PCDHGA2: variants seen among roughly 807,000 people sequenced by gnomAD.
PCDHGA2 encodes the protein protocadherin gamma-A2.
PCDHGA2 carries 40 observed loss-of-function variants against 59.2 expected under a neutral mutation model. The ratio of observed to expected loss-of-function variants is 0.68; its 90% CI spans 0.52 to 0.88. The LOEUF (loss-of-function observed/expected upper bound fraction) is 0.88. Ranked by LOEUF, PCDHGA2 falls within the 40% of genes least tolerant of loss-of-function variation. PCDHGA2 has a pLI of 0.00. For missense variants in PCDHGA2, 1,226 were observed against 1,204.0 expected (o/e 1.02, Z -0.27); for synonymous variants, 560 against 526.0 (o/e 1.06, Z -0.89).
At position 141,491,099 on chromosome 5, in the gene PCDHGA2, T is replaced by C. The variant is rs1352561414; in HGVS notation, c.2425-3708T>C. 1 of 1,614,176 alleles carries C rather than the reference T, an allele frequency of 6.2e-7. No homozygotes were observed. ...CAGTCCACAGCCCCAGGACTGTTCC[T>C]CGTGTCTACACACACTGGTGAGGTG... On this transcript the variant is annotated intron_variant, in intron 1 of 3. Coordinates refer to ENST00000394576, the MANE Select transcript of PCDHGA2 (RefSeq NM_018915.4). The surrounding 1 kb of genome is among the most constrained non-coding windows in gnomAD (Gnocchi z 6.9).
chr5:141,415,740 G>GTTTTTTTTTTTTTTTT (rs57426385), intron 1 of PCDHGA2: 34 of 625,042 alleles, frequency 5.4e-5, no homozygotes, highest in African/African-American at 2.0e-4. Flanking sequence ...GTTTATTAAG[G>GTTTTTTTTTTTTTTTT]TTTTTTTTTT....
At position 141,460,518 on chromosome 5, in the gene PCDHGA2, C is replaced by T. The variant is rs190277142; in HGVS notation, c.2425-34289C>T. ...AAATATGCTGAGAAGGCTATCTTTT[C>T]CCCACCAAATAATCTTAGCACCTTA... On this transcript the variant is annotated intron_variant, in intron 1 of 3. Coordinates refer to ENST00000394576, the MANE Select transcript of PCDHGA2 (RefSeq NM_018915.4). Among the ~76,000 whole-genome samples, 53 of 152,196 alleles carry T rather than the reference C, an allele frequency of 3.5e-4. 1 individual carries two copies. Among genetic ancestry groups the T allele is most frequent in the African/African-American group, 1.2e-3 (50 of 41,522 alleles).
chr5:141,445,334 A>G (rs1337991795), intron 1 of PCDHGA2, among the ~76,000 whole-genome samples: 1 of 152,224 alleles, frequency 6.6e-6, no homozygotes, highest in African/African-American at 2.4e-5. Context: ...ATCCAGAAAC[A>G]GTAAACATTG....
intron 1 of PCDHGA2, chr5:141,479,313 G>C (rs926148640): frequency 2.0e-5 from 3 of 152,456 alleles, no homozygotes; most frequent in Non-Finnish European, 2.9e-5. Context: ...AAAACATAAA[G>C]TAGCCAGACT....
intron 1 of PCDHGA2, chr5:141,351,561 T>G (rs767147157): frequency 6.2e-7 from 1 of 1,614,004 alleles, no homozygotes; most frequent in Non-Finnish European, 8.5e-7. Flanking sequence ...AGGACAAGCA[T>G]CACCCTGCAC....
rs182346627 is a variant in PCDHGA2, at chr5:141,351,840, C to T, written c.2424+10445C>T. ...GAGCAGCTGCGCGCCTTCGAGCTCA[C>T]ACTGCAGGCCAGGGACCAGGGCTCC... On this transcript the variant is annotated intron_variant, in intron 1 of 3. Coordinates refer to ENST00000394576, the MANE Select transcript of PCDHGA2 (RefSeq NM_018915.4). The T allele has an allele frequency of 2.6e-4, 415 of 1,613,240 alleles. 3 individuals are homozygous for T. In the African/African-American group the frequency reaches 4.6e-3, roughly 18 times the overall value.
intron 1 of PCDHGA2, chr5:141,403,630 G>A (rs2094436948): frequency 3.1e-6 from 5 of 1,613,786 alleles, no homozygotes; most frequent in Middle Eastern, 3.3e-4. Flanking sequence ...CCAGCACAGT[G>A]CGCATCCATG....
In PCDHGA2 at chr5:141,490,091, A is replaced by T; in HGVS notation, c.2425-4716A>T. 6.2e-7 allele frequency: 1 copy of T among 1,614,240 alleles called. No homozygotes were observed. Among genetic ancestry groups the T allele is most frequent in the East Asian group, 2.2e-5 (1 of 44,888 alleles). ...CAACTAGACTATTCTTTTGGAGACC[A>T]CACATCTGAGGCAGTGCGGAACCTC... On this transcript the variant is annotated intron_variant, in intron 1 of 3. Coordinates refer to ENST00000394576, the MANE Select transcript of PCDHGA2 (RefSeq NM_018915.4). The surrounding 1 kb of genome is among the most constrained non-coding windows in gnomAD (Gnocchi z 5.4).
intron 1 of PCDHGA2, chr5:141,442,134 AG>A (rs1365375748): frequency 6.1e-6 from 1 of 163,744 alleles, no homozygotes; most frequent in African/African-American, 2.4e-5. Context: ...AGCCTGCAGG[AG>A]ACTCTGCCAG....
At chr5:141,396,683 T>G (rs1445621329) in intron 1 of PCDHGA2, 1 of 152,136 alleles carries the variant, frequency 6.6e-6, no homozygotes, top group Non-Finnish European at 1.5e-5. Context: ...ATTGTATTCC[T>G]GCATACCTTC....
Position 141,400,079 on chromosome 5 carries a change from C to G in PCDHGA2, c.2424+58684C>G, listed in dbSNP as rs1377742612. On this transcript the variant is annotated intron_variant, in intron 1 of 3. Coordinates refer to ENST00000394576, the MANE Select transcript of PCDHGA2 (RefSeq NM_018915.4). ...CGTGATGGTGGACAGCCGCCACTCT[C>G]CGCCACCGCCACGCTGCACTTGGTC... 2.5e-6 allele frequency: 4 copies of G among 1,613,924 alleles called. No individual in the cohort carries two copies. In the East Asian group the frequency reaches 6.7e-5, roughly 27 times the overall value.
rs761704779 is a variant in PCDHGA2 at position 141,486,764 on chromosome 5, C to T, written c.2425-8043C>T. ...CTTTGACTATGAGCAAACCCAGACA[C>T]TGCAGTTTGAGGTGCAGGCCCGGGA... On this transcript the variant is annotated intron_variant, in intron 1 of 3. Transcript: ENST00000394576. This position sits in a 1 kb window ranked among gnomAD's most constrained non-coding sequence, Gnocchi z 5.0. 6.2e-7 allele frequency: 1 copy of T among 1,614,264 alleles called. No homozygotes were observed. The highest frequency in any genetic ancestry group is 2.2e-5 in the East Asian group (1 of 44,880).
chr5:141,376,060 G>T lies in PCDHGA2; in HGVS notation c.2424+34665G>T, dbSNP rs375877156. Reference sequence around the variant, plus strand: ...AGCCCCCTCTCTCCGCCACTGTCACGCTCACCGTGGCCGTGGCCGACAGGA... The same window carrying T: ...AGCCCCCTCTCTCCGCCACTGTCACTCTCACCGTGGCCGTGGCCGACAGGA... On this transcript the variant is annotated intron_variant, in intron 1 of 3. Transcript: ENST00000394576. 3.7e-5 allele frequency: 60 copies of T among 1,613,348 alleles called. No homozygotes were observed. The African/African-American group carries it at 7.5e-4, about 20-fold the overall frequency.
chr5:141,417,947 T>A (rs958624664), intron 1 of PCDHGA2: 53 of 1,613,420 alleles, frequency 3.3e-5, no homozygotes, highest in Middle Eastern at 1.7e-4. Context: ...CCCCACGCTG[T>A]GTGAGCCGAT....
chr5:141,340,333 C>G lies in PCDHGA2; in HGVS notation c.1362C>G (p.Arg454=), dbSNP rs536416532. ...DINDNAPAFS[R]TSYSTYIPEN... is the part of the protein sequence containing the mutation. ...ACGACAACGCACCCGCCTTCTCCCG[C>G]ACATCCTACTCCACCTACATTCCCG... is the stretch of plus-strand genomic sequence containing the variant. The change falls in exon 1 of 4, where the codon CGC becomes CGG. Residue 454 remains arginine, a synonymous_variant. Coordinates refer to ENST00000394576, the MANE Select transcript of PCDHGA2 (RefSeq NM_018915.4). The G allele has an allele frequency of 5.6e-6, 9 of 1,614,090 alleles. No homozygotes were observed. The highest frequency in any genetic ancestry group is 7.6e-6 in the Non-Finnish European group (9 of 1,180,050).
At chr5:141,395,078 G>T (rs756312673) in intron 1 of PCDHGA2, 3 of 1,614,126 alleles carry the variant, frequency 1.9e-6, no homozygotes, top group South Asian at 1.1e-5. Context: ...CCTATTCCCA[G>T]GAAGTCTCCC....
chr5:141,353,092 G>C (rs377333833), intron 1 of PCDHGA2, among the ~76,000 whole-genome samples: 1 of 152,080 alleles, frequency 6.6e-6, no homozygotes, highest in Non-Finnish European at 1.5e-5. Flanking sequence ...CTGCGGGAGG[G>C]GGTACTAGAT....
chr5:141,401,546 ATGCTATT>A (rs1372970930), intron 1 of PCDHGA2, among the ~76,000 whole-genome samples: 1 of 152,214 alleles, frequency 6.6e-6, no homozygotes, highest in African/African-American at 2.4e-5. Context: ...AAAAAAGGAA[ATGCTATT>A]GCCTGAATTT....
chr5:141,409,462 C>G (rs377705841), intron 1 of PCDHGA2: 1 of 1,613,988 alleles, frequency 6.2e-7, no homozygotes, highest in African/African-American at 1.3e-5. Flanking sequence ...AATACAATGT[C>G]ACCATCGTAG....
Sources: gnomAD v4.1 joint callset for allele counts (sites outside exome capture counted in the v4.1 genomes callset) on GRCh38, gnomAD v4.1.1 for gene constraint, Gnocchi (gnomAD v3.1) non-coding constraint, MANE v1.5 for transcripts, NCBI Gene and HGNC (gene_info 2026-07-23, HGNC 2026-07-21) for gene names.